Variants in STOX2 observed in about 807,000 individuals in gnomAD.
STOX2 encodes storkhead box 2, also known as storkhead-box protein 2.
Under a neutral mutation model 60.9 loss-of-function variants are expected in STOX2, and 28 were observed. The observed-to-expected ratio is 0.46, with a 90% CI of 0.34 to 0.63. STOX2 has a LOEUF of 0.63. Among genes scored for constraint, STOX2 ranks in the 30% least tolerant of loss-of-function variants. The pLI is 0.01. For missense variants in STOX2, 1,024 were observed against 1,187.7 expected (o/e 0.86, Z 2.03); for synonymous variants, 472 against 463.9 (o/e 1.02, Z -0.22).
intron 1 of STOX2, among the ~76,000 whole-genome samples, chr4:183,815,310 T>G (rs1739130579): frequency 6.6e-6 from 1 of 152,140 alleles, no homozygotes; most frequent in Non-Finnish European, 1.5e-5. Flanking sequence ...AAAAACCCAC[T>G]GTGAAGATGC....
intron 1 of STOX2, among the ~76,000 whole-genome samples, chr4:183,895,198 C>T (rs1219090324): frequency 6.6e-6 from 1 of 152,194 alleles, no homozygotes; most frequent in East Asian, 1.9e-4. Context: ...ATAGCAACCC[C>T]TGCCTTGCCT....
intron 1 of STOX2, among the ~76,000 whole-genome samples, chr4:183,862,150 C>T (rs547359756): frequency 1.1e-3 from 164 of 148,082 alleles, no homozygotes; most frequent in African/African-American, 3.8e-3. Flanking sequence ...TTTCAGATAA[C>T]GTTAAGTGTT....
chr4:184,010,758 T>C lies in STOX2; in HGVS notation c.1920T>C (p.Asp640=), dbSNP rs544520749. Residue 640 remains aspartate (D), a synonymous_variant, in exon 3 of 4, where the codon GAT becomes GAC. Coordinates refer to ENST00000308497, the MANE Select transcript of STOX2 (RefSeq NM_020225.3). The surrounding 1 kb of genome is among the most constrained non-coding windows in gnomAD (Gnocchi z 4.5). ...AEGVKKLSPS[D]RQVPHSSREP... is the part of the protein sequence containing the mutation. ...GGGTGAAAAAGCTCTCCCCTTCTGA[T>C]AGGCAGGTCCCCCACTCCTCCAGGG... 2 of 1,584,552 alleles carry C rather than the reference T, an allele frequency of 1.3e-6. No individual in the cohort carries two copies. Among genetic ancestry groups the C allele is most frequent in the East Asian group, 4.5e-5 (2 of 44,738 alleles).
intron 1 of STOX2, among the ~76,000 whole-genome samples, chr4:183,926,787 A>C (rs903396935): frequency 2.6e-5 from 4 of 151,662 alleles, no homozygotes; most frequent in African/African-American, 9.7e-5. Flanking sequence ...ATGCCTGGCT[A>C]ATTTTTGTAT....
chr4:183,798,125 G>A, intron 1 of STOX2: 1 of 1,209,294 alleles, frequency 8.3e-7, no homozygotes, highest in Non-Finnish European at 1.0e-6. Flanking sequence ...GCGGTCGCGG[G>A]TGCCCCGCCC....
rs752422779 is a variant in STOX2 at position 184,009,800 on chromosome 4, AC to A, written c.964del (p.Leu322Ter). On this transcript the variant is annotated frameshift_variant, in exon 3 of 4. Coordinates refer to ENST00000308497, the MANE Select transcript of STOX2 (RefSeq NM_020225.3). LOFTEE classifies it high-confidence loss of function. This position sits in a 1 kb window ranked among gnomAD's most constrained non-coding sequence, Gnocchi z 4.0. ...EMEIIRRINPDLTVENVMRHT... is the reference protein window; with the variant it reads ...EMEIIRRINPXLTVENVMRHT... ...GAAATCATTAGGCGCATTAACCCAGACCTGACCGTGGAAAATGTCATGCGGC... is the reference window on the plus strand; with the variant it reads ...GAAATCATTAGGCGCATTAACCCAGACTGACCGTGGAAAATGTCATGCGGC... 1 of 1,612,594 alleles carries A rather than the reference AC, an allele frequency of 6.2e-7. No individual in the cohort carries two copies. The highest frequency in any genetic ancestry group is 8.5e-7 in the Non-Finnish European group (1 of 1,179,378).
intron 1 of STOX2, among the ~76,000 whole-genome samples, chr4:183,875,749 A>G (rs76485781): frequency 0.027 from 4,184 of 152,314 alleles, 174 homozygotes; most frequent in African/African-American, 0.095. Context: ...TGTTGTTGCT[A>G]TTATTGGAGA....
In STOX2 at chr4:184,009,041, G is replaced by A; in HGVS notation, c.320-117G>A. ...TAATGAACACCTTTGTCTGAATTGTGCATCCTAGCTCTGTGATGGTACTTC... is the reference window on the plus strand; with the variant it reads ...TAATGAACACCTTTGTCTGAATTGTACATCCTAGCTCTGTGATGGTACTTC... On this transcript the variant is annotated intron_variant, in intron 2 of 3. Coordinates refer to ENST00000308497, the MANE Select transcript of STOX2 (RefSeq NM_020225.3). This position sits in a 1 kb window ranked among gnomAD's most constrained non-coding sequence, Gnocchi z 4.0. 1 of 781,200 alleles carries A rather than the reference G, an allele frequency of 1.3e-6. No homozygotes were observed. Among genetic ancestry groups the A allele is most frequent in the Non-Finnish European group, 2.0e-6 (1 of 496,218 alleles). 48.4% of individuals were successfully genotyped at this position (781,200 alleles called of 1,614,324 possible). A position where few individuals can be genotyped will look rare whatever the true frequency, so the allele number is the denominator to read the frequency against.
At chr4:183,842,887 C>T (rs370798163) in intron 1 of STOX2, among the ~76,000 whole-genome samples, 16 of 151,676 alleles carry the variant, frequency 1.1e-4, no homozygotes, top group African/African-American at 3.1e-4. Context: ...TGGTGGCTCA[C>T]GCCTGTGATC....
chr4:183,878,488 A>G (rs1182468217), intron 1 of STOX2, among the ~76,000 whole-genome samples: 2 of 152,222 alleles, frequency 1.3e-5, no homozygotes, highest in African/African-American at 4.8e-5. Context: ...TCTGGGTTTA[A>G]TCCAGCAAGT....
intron 1 of STOX2, among the ~76,000 whole-genome samples, chr4:183,916,773 C>T (rs1392921500): frequency 6.6e-6 from 1 of 152,156 alleles, no homozygotes; most frequent in African/African-American, 2.4e-5. Flanking sequence ...CAAAAAAGTA[C>T]AGTTGAGTTT....
In STOX2 at chr4:184,011,010, C is replaced by G. The variant is rs767777014; in HGVS notation, c.2172C>G (p.Leu724=). 35 of 1,613,320 alleles carry G rather than the reference C, an allele frequency of 2.2e-5. No individual in the cohort carries two copies. Among genetic ancestry groups the G allele is most frequent in the Non-Finnish European group, 2.9e-5 (34 of 1,179,646 alleles). ...ATCACAAGTCGAGCCTGTCCCTCCT[C>G]AAATCTCACCCGAAGACACCTGCTG... ...NSYHKSSLSL[L]KSHPKTPADT... is the part of the protein sequence containing the mutation. The change falls in exon 3 of 4, where the codon CTC becomes CTG. Residue 724 remains leucine, a synonymous_variant. Transcript: ENST00000308497. This position sits in a 1 kb window ranked among gnomAD's most constrained non-coding sequence, Gnocchi z 4.4.
intron 3 of STOX2, among the ~76,000 whole-genome samples, chr4:184,016,597 A>G (rs1734386610): frequency 6.6e-6 from 1 of 152,206 alleles, no homozygotes. Flanking sequence ...GGGTCCCCCA[A>G]AAAAGGGCAT....
intron 1 of STOX2, among the ~76,000 whole-genome samples, chr4:183,883,034 A>G (rs1237254304): frequency 1.3e-5 from 2 of 152,096 alleles, no homozygotes; most frequent in African/African-American, 4.8e-5. Flanking sequence ...ATCACGTACA[A>G]TTTCTAAAAT....
intron 1 of STOX2, among the ~76,000 whole-genome samples, chr4:183,850,319 G>GA (rs200301742): frequency 1.9e-4 from 29 of 149,698 alleles, no homozygotes; most frequent in Admixed American, 6.6e-4. Flanking sequence ...TCTTCAAGGA[G>GA]AAAAAAAAAA....
In STOX2 at chr4:183,946,409, A is replaced by AG. The variant is rs1197955066; in HGVS notation, c.166+39460dup. On this transcript the variant is annotated intron_variant, in intron 1 of 3. Transcript: ENST00000308497. Reference sequence around the variant, plus strand: ...CAGTCATGCCTCGGTGTCCATGAGGAGGGGGGGTTGGGCCTATGACCCCAT... The same window carrying AG: ...CAGTCATGCCTCGGTGTCCATGAGGAGGGGGGGGTTGGGCCTATGACCCCAT... 3.3e-5 allele frequency among the ~76,000 whole-genome samples: 5 copies of AG among 152,096 alleles called. No homozygotes were observed. The East Asian group carries it at 5.8e-4, about 18-fold the overall frequency.
At chr4:183,946,391 G>C (rs761403328) in intron 1 of STOX2, among the ~76,000 whole-genome samples, 1 of 152,124 alleles carries the variant, frequency 6.6e-6, no homozygotes, top group Non-Finnish European at 1.5e-5. Context: ...GTACAGTCAT[G>C]CCTCGGTGTC....
In STOX2 at chr4:183,842,221, T is replaced by G. The variant is rs142976353; in HGVS notation, c.364+44166T>G. 1.2e-3 allele frequency among the ~76,000 whole-genome samples: 177 copies of G among 152,336 alleles called. 3 individuals are homozygous for G. In the South Asian group the frequency reaches 0.022, roughly 19 times the overall value. On this transcript the variant is annotated intron_variant, in intron 1 of 2. Coordinates refer to the STOX2 transcript ENST00000513034. ...TCAGTCTTTGTAGGAATGTCTTAGA[T>G]CTGCTTTTTTAGATGGAACCTAGTC...
chr4:183,958,056 T>C (rs776163421), intron 1 of STOX2, among the ~76,000 whole-genome samples: 1 of 151,734 alleles, frequency 6.6e-6, no homozygotes, highest in Non-Finnish European at 1.5e-5. Context: ...TCAGGGGGGA[T>C]GGTAGAATGG....
Sources: gnomAD v4.1 joint callset for allele counts (sites outside exome capture counted in the v4.1 genomes callset) on GRCh38, gnomAD v4.1.1 for gene constraint, Gnocchi (gnomAD v3.1) non-coding constraint, MANE v1.5 for transcripts, NCBI Gene and HGNC (gene_info 2026-07-23, HGNC 2026-07-21) for gene names.